Variants in CELF5 observed in about 807,000 individuals in gnomAD.
CELF5 encodes the protein CUGBP Elav-like family member 5.
Under a neutral mutation model 54.9 loss-of-function variants are expected in CELF5, and 6 were observed. The ratio of observed to expected loss-of-function variants is 0.11; its 90% CI spans 0.06 to 0.22. The LOEUF is 0.22. Among genes scored for constraint, CELF5 ranks in the 10% least tolerant of loss-of-function variants. CELF5 has a pLI of 1.00. For synonymous variants in CELF5, 271 were observed against 290.9 expected (o/e 0.93, Z 0.70); for missense variants, 401 against 678.6 (o/e 0.59, Z 4.54).
intron 1 of CELF5, among the ~76,000 whole-genome samples, chr19:3,227,210 G>T (rs541438321): frequency 1.2e-4 from 19 of 152,138 alleles, no homozygotes; most frequent in African/African-American, 4.1e-4. Context: ...AGGGGTGGGG[G>T]GGTGTCTTCA....
At chr19:3,246,341 G>A (rs2079566392) in intron 1 of CELF5, among the ~76,000 whole-genome samples, 1 of 151,694 alleles carries the variant, frequency 6.6e-6, no homozygotes, top group Admixed American at 6.6e-5. Flanking sequence ...TCCAGCCTGG[G>A]CGATAGATTG....
intron 2 of CELF5, among the ~76,000 whole-genome samples, chr19:3,252,598 C>T (rs1279557211): frequency 2.0e-5 from 3 of 152,146 alleles, no homozygotes; most frequent in Non-Finnish European, 4.4e-5. Context: ...GCTTGGCTGA[C>T]TGTAGGAAAT....
intron 2 of CELF5, among the ~76,000 whole-genome samples, chr19:3,266,377 C>T (rs909974721): frequency 7.9e-5 from 12 of 151,232 alleles, no homozygotes; most frequent in African/African-American, 1.9e-4. Context: ...TCACTATGAT[C>T]GCACCACTGC....
At chr19:3,251,249 G>A (rs1297602511) in intron 2 of CELF5, among the ~76,000 whole-genome samples, 182 bp downstream of exon 2, 1 of 152,192 alleles carries the variant, frequency 6.6e-6, no homozygotes, top group Non-Finnish European at 1.5e-5. Context: ...TGCCTACTGT[G>A]TGCCGTGCTC....
intron 9 of CELF5, among the ~76,000 whole-genome samples, chr19:3,285,589 A>G (rs1469084000): frequency 1.8e-5 from 2 of 109,938 alleles, no homozygotes; most frequent in African/African-American, 7.1e-5. Context: ...CCCACTCTGG[A>G]CTGTCCTGTA....
At chr19:3,289,347 G>A (rs1483492038) in intron 10 of CELF5, among the ~76,000 whole-genome samples, 1 of 152,108 alleles carries the variant, frequency 6.6e-6, no homozygotes, top group East Asian at 1.9e-4. Context: ...GTTGAGCCCA[G>A]GAGTTCCAGA....
At chr19:3,277,626 C>T (rs777194390) in intron 4 of CELF5, among the ~76,000 whole-genome samples, 2 of 152,146 alleles carry the variant, frequency 1.3e-5, no homozygotes, top group Non-Finnish European at 2.9e-5. Flanking sequence ...CACAATATGG[C>T]TGGCCCTTCC....
At chr19:3,248,074 C>T (rs963146411) in intron 1 of CELF5, among the ~76,000 whole-genome samples, 1 of 152,102 alleles carries the variant, frequency 6.6e-6, no homozygotes, top group Admixed American at 6.6e-5. Context: ...CCATCTTAAC[C>T]ATTTTTAAGC....
chr19:3,276,370 T>C (rs2080053049), intron 4 of CELF5, among the ~76,000 whole-genome samples: 1 of 151,116 alleles, frequency 6.6e-6, no homozygotes, highest in South Asian at 2.1e-4. Flanking sequence ...GGCCCGAGGC[T>C]TCTCCAGAGC....
intron 2 of CELF5, among the ~76,000 whole-genome samples, chr19:3,272,402 G>C (rs909384723): frequency 3.9e-5 from 6 of 151,916 alleles, no homozygotes; most frequent in African/African-American, 1.5e-4. Flanking sequence ...AGAAAAAAAA[G>C]AAAACCTGGC....
At chr19:3,273,791 C>T (rs76295518) in intron 2 of CELF5, 81 bp from the exon 3 acceptor site, 33,511 of 1,013,598 alleles carry the variant, frequency 0.033, 813 homozygotes, top group Non-Finnish European at 0.041. Context: ...GCAGGGCTGG[C>T]CTGCAGAGCT....
intron 10 of CELF5, 62 bp downstream of exon 10, chr19:3,286,087 C>T: frequency 1.4e-6 from 2 of 1,381,818 alleles, no homozygotes; most frequent in Admixed American, 2.6e-5. Flanking sequence ...TGTCCACCTG[C>T]AGGCTCCGTG....
At chr19:3,239,538 C>A (rs1351838502) in intron 1 of CELF5, among the ~76,000 whole-genome samples, 1 of 144,782 alleles carries the variant, frequency 6.9e-6, no homozygotes, top group Non-Finnish European at 1.5e-5. Context: ...GCCCGGCTAA[C>A]TTTTTTTTTT....
rs529834806 is a variant in CELF5, at chr19:3,278,603, C to T, written c.603+493C>T. On this transcript the variant is annotated intron_variant, in intron 5 of 12. Coordinates refer to ENST00000292672, the MANE Select transcript of CELF5 (RefSeq NM_021938.4). The surrounding 1 kb of genome is among the most constrained non-coding windows in gnomAD (Gnocchi z 4.5). ...ACATGTGTGTTTCTATGTGTGTGAG[C>T]GTGTGTGTGAGTATGCCTGGGCCAC... Among the ~76,000 whole-genome samples the T allele has an allele frequency of 1.5e-4, 23 of 150,984 alleles. No homozygotes were observed. The highest frequency in any genetic ancestry group is 3.1e-4 in the Non-Finnish European group (21 of 67,788).
In CELF5 at chr19:3,275,793, A is replaced by G; in HGVS notation, c.395-63A>G. On this transcript the variant is annotated intron_variant, in intron 3 of 12. Transcript: ENST00000292672. This position sits in a 1 kb window ranked among gnomAD's most constrained non-coding sequence, Gnocchi z 6.7. ...CGCCTCCACTCTGCTGGAGGGAGGG[A>G]GGAATCCCGGAGGCCCTCCCGGAGG... 3 of 1,541,320 alleles carry G rather than the reference A, an allele frequency of 1.9e-6. No homozygotes were observed. Among genetic ancestry groups the G allele is most frequent in the Non-Finnish European group, 2.6e-6 (3 of 1,136,496 alleles).
chr19:3,273,005 G>T (rs1013180560), intron 2 of CELF5, among the ~76,000 whole-genome samples: 1 of 152,012 alleles, frequency 6.6e-6, no homozygotes, highest in African/African-American at 2.4e-5. Context: ...TGGGGTGGGG[G>T]ACAAAAGTGT....
At chr19:3,257,676 A>G (rs1363533935) in intron 2 of CELF5, among the ~76,000 whole-genome samples, 1 of 151,468 alleles carries the variant, frequency 6.6e-6, no homozygotes, top group Non-Finnish European at 1.5e-5. Flanking sequence ...GGGTTTCCCC[A>G]TGTTGGTCAG....
intron 2 of CELF5, 50 bp downstream of exon 2, chr19:3,251,117 G>C: frequency 2.9e-6 from 4 of 1,391,930 alleles, no homozygotes; most frequent in Non-Finnish European, 4.1e-6. Context: ...ATGGCTCTCA[G>C]CCTGGGGTGG....
intron 2 of CELF5, among the ~76,000 whole-genome samples, chr19:3,272,547 A>G (rs2079984501): frequency 6.6e-6 from 1 of 152,134 alleles, no homozygotes; most frequent in Non-Finnish European, 1.5e-5. Flanking sequence ...TGAGAGTAGC[A>G]CTCATTCCCA....
Sources: gnomAD v4.1 joint callset for allele counts (sites outside exome capture counted in the v4.1 genomes callset) on GRCh38, gnomAD v4.1.1 for gene constraint, Gnocchi (gnomAD v3.1) non-coding constraint, MANE v1.5 for transcripts, NCBI Gene and HGNC (gene_info 2026-07-23, HGNC 2026-07-21) for gene names.